ANKFN1: variants seen among roughly 807,000 people sequenced by gnomAD.
ANKFN1 encodes the protein ankyrin repeat and fibronectin type III domain containing 1.
A neutral mutation model predicts 108.7 loss-of-function variants in ANKFN1; 74 were observed. That is an observed-to-expected ratio of 0.68 (90% CI 0.56 to 0.83). The LOEUF (loss-of-function observed/expected upper bound fraction) is 0.83. Among genes scored for constraint, ANKFN1 ranks in the 40% least tolerant of loss-of-function variants. ANKFN1 has a pLI of 0.00. For missense variants in ANKFN1, 1,505 were observed against 1,382.3 expected (o/e 1.09, Z -1.41); for synonymous variants, 547 against 516.2 (o/e 1.06, Z -0.81).
At chr17:56,048,354 AT>A (rs1904715908) in intron 4 of ANKFN1, among the ~76,000 whole-genome samples, 1 of 152,138 alleles carries the variant, frequency 6.6e-6, no homozygotes, top group Admixed American at 6.5e-5. Context: ...GAAAATATGA[AT>A]TTTTATGGCT....
At chr17:56,136,720 C>T (rs1907619556) in intron 4 of ANKFN1, among the ~76,000 whole-genome samples, 1 of 152,172 alleles carries the variant, frequency 6.6e-6, no homozygotes, top group African/African-American at 2.4e-5. Context: ...TTGAACTTGA[C>T]ATGCCAAGAT....
chr17:56,421,311 G>A (rs767696981), intron 8 of ANKFN1, among the ~76,000 whole-genome samples: 25 of 152,292 alleles, frequency 1.6e-4, no homozygotes, highest in Admixed American at 6.5e-5. Context: ...GAACACATAG[G>A]CACTGGGTGA....
intron 6 of ANKFN1, 111 bp downstream of exon 6, chr17:56,354,157 C>T (rs553940346): frequency 3.0e-6 from 3 of 1,004,400 alleles, no homozygotes; most frequent in African/African-American, 3.2e-5. Context: ...TAAGCATAGA[C>T]TCTGATAGGC....
chr17:56,479,718 C>A (rs2050628461), intron 16 of ANKFN1, among the ~76,000 whole-genome samples: 1 of 152,204 alleles, frequency 6.6e-6, no homozygotes, highest in East Asian at 1.9e-4. Context: ...TGGGGAAAGC[C>A]TCAGAGAGTT....
chr17:56,089,282 C>A (rs1323763536), intron 4 of ANKFN1, among the ~76,000 whole-genome samples: 1 of 151,224 alleles, frequency 6.6e-6, no homozygotes. Context: ...CATACTACAT[C>A]CTCTGATGTA....
intron 8 of ANKFN1, among the ~76,000 whole-genome samples, chr17:56,380,227 A>G (rs1294933342): frequency 6.6e-6 from 1 of 152,246 alleles, no homozygotes; most frequent in Non-Finnish European, 1.5e-5. Flanking sequence ...GCTGTTATGA[A>G]TGAACTCTCT....
chr17:56,378,367 A>G (rs2046998485), intron 8 of ANKFN1, among the ~76,000 whole-genome samples: 1 of 152,156 alleles, frequency 6.6e-6, no homozygotes, highest in Non-Finnish European at 1.5e-5. Context: ...TATCTTTTCT[A>G]CAAGAATGGA....
chr17:56,257,963 T>C (rs900817792), intron 3 of ANKFN1: 1 of 152,186 alleles, frequency 6.6e-6, no homozygotes, highest in Non-Finnish European at 1.5e-5. Flanking sequence ...TCACTGTCAT[T>C]ACTCCACTTA....
chr17:56,277,119 A>G (rs2043956185), intron 3 of ANKFN1, among the ~76,000 whole-genome samples: 1 of 152,216 alleles, frequency 6.6e-6, no homozygotes, highest in Non-Finnish European at 1.5e-5. Context: ...TCCCACTACC[A>G]TGTAAGGGAA....
At chr17:56,452,153 T>A (rs560360801) in intron 11 of ANKFN1, among the ~76,000 whole-genome samples, 26 of 152,330 alleles carry the variant, frequency 1.7e-4, no homozygotes, top group African/African-American at 6.0e-4. Context: ...ATTATCCAAT[T>A]ATTCAACTTG....
At chr17:56,203,854 G>A (rs1914271523) in intron 1 of ANKFN1, among the ~76,000 whole-genome samples, 1 of 151,960 alleles carries the variant, frequency 6.6e-6, no homozygotes, top group Non-Finnish European at 1.5e-5. Context: ...TCTAGCCCGG[G>A]GCATCTATTT....
rs550292563 is a variant in ANKFN1, at chr17:56,444,006, G to A, written c.1099+1073G>A. On this transcript the variant is annotated intron_variant, in intron 10 of 20. Coordinates refer to ENST00000682825, the MANE Select transcript of ANKFN1 (RefSeq NM_001370326.1). ...GTTTCTTTTTACTCCATAATTCTAC[G>A]TCTAGGACTCTACCCTAAGTAAAAA... 6.6e-5 allele frequency among the ~76,000 whole-genome samples: 10 copies of A among 152,158 alleles called. No homozygotes were observed. The East Asian group carries it at 7.7e-4, about 12-fold the overall frequency.
intron 15 of ANKFN1, among the ~76,000 whole-genome samples, chr17:56,468,699 A>G (rs1453568928): frequency 6.6e-6 from 1 of 152,116 alleles, no homozygotes; most frequent in African/African-American, 2.4e-5. Flanking sequence ...TCATTTTTTC[A>G]TTACTTGCAC....
At chr17:56,152,796 A>T (rs1908740761), upstream of ANKFN1, among the ~76,000 whole-genome samples, 1 of 152,222 alleles carries the variant, frequency 6.6e-6, no homozygotes, top group East Asian at 1.9e-4. Flanking sequence ...ATAAGCATGC[A>T]CATAATGTGC....
chr17:56,347,949 G>A (rs572124641), intron 4 of ANKFN1, among the ~76,000 whole-genome samples: 127 of 152,144 alleles, frequency 8.3e-4, no homozygotes, highest in African/African-American at 2.7e-3. Flanking sequence ...ACAAAAGAAT[G>A]TAGAGTTATT....
intron 1 of ANKFN1, among the ~76,000 whole-genome samples, chr17:56,175,015 C>T (rs1169851541): frequency 6.6e-6 from 1 of 152,094 alleles, no homozygotes; most frequent in Non-Finnish European, 1.5e-5. Flanking sequence ...GCTGATCACC[C>T]CCACCCACCT....
chr17:56,290,536 G>A (rs533180891), intron 3 of ANKFN1, among the ~76,000 whole-genome samples: 1 of 152,168 alleles, frequency 6.6e-6, no homozygotes, highest in South Asian at 2.1e-4. Flanking sequence ...TCTGAATAAT[G>A]TTAAACTGGC....
chr17:56,174,184 G>C, intron 1 of ANKFN1: 3 of 985,554 alleles, frequency 3.0e-6, no homozygotes, highest in African/African-American at 1.7e-5. Context: ...CATTTCCTGG[G>C]CTGGCCACAG....
intron 3 of ANKFN1, among the ~76,000 whole-genome samples, chr17:56,318,230 T>G (rs1352939406): frequency 1.3e-5 from 2 of 152,032 alleles, no homozygotes; most frequent in Non-Finnish European, 2.9e-5. Flanking sequence ...AATAGATAAT[T>G]AATGGTTCTG....
Sources: allele counts gnomAD v4.1 joint callset (sites outside exome capture counted in the v4.1 genomes callset), GRCh38; gene constraint gnomAD v4.1.1; transcripts MANE v1.5; gene names NCBI Gene and HGNC (gene_info 2026-07-23, HGNC 2026-07-21).